The following MYH7B variants were observed in gnomAD, a reference collection of about 807,000 sequenced individuals.
MYH7B encodes myosin-7B.
A neutral mutation model predicts 234.5 loss-of-function variants in MYH7B; 205 were observed. That is an observed-to-expected ratio of 0.87 (90% CI 0.78 to 0.98). MYH7B has a LOEUF of 0.98. Ranked by LOEUF, MYH7B falls within the 50% of genes least tolerant of loss-of-function variation. MYH7B has a pLI of 0.00. For synonymous variants in MYH7B, 1,193 were observed against 1,105.0 expected, an observed-to-expected ratio of 1.08 and a Z score of -1.58; for missense variants, 2,652 against 2,633.4, an observed-to-expected ratio of 1.01 and a Z score of -0.15.
intron 5 of MYH7B, among the ~76,000 whole-genome samples, chr20:34,979,041 G>A (rs1425870701): frequency 1.3e-5 from 2 of 152,154 alleles, no homozygotes; most frequent in Admixed American, 6.5e-5. Flanking sequence ...TTGAGGGGCT[G>A]CTCTGTATGG....
At chr20:34,987,779 G>T in exon 18 of MYH7B, 3 of 1,614,198 alleles carry the variant, frequency 1.9e-6, no homozygotes, top group Non-Finnish European at 2.5e-6. Context: ...TGTTTGCTGT[G>T]GGGGCTCTGG....
chr20:34,960,882 C>A (rs1464441953), intron 2 of MYH7B, among the ~76,000 whole-genome samples: 1 of 152,232 alleles, frequency 6.6e-6, no homozygotes, highest in Non-Finnish European at 1.5e-5. Context: ...CCCCCACAGT[C>A]ATCCTGGGAG....
At chr20:34,998,541 A>C (rs1316401494) in exon 34 of MYH7B, 3 of 1,613,668 alleles carry the variant, frequency 1.9e-6, no homozygotes, top group Admixed American at 1.7e-5. Flanking sequence ...GAGGAGAAGG[A>C]GTGTCTGATC....
intron 1 of MYH7B, among the ~76,000 whole-genome samples, chr20:34,957,599 CCT>C (rs2081653847): frequency 6.6e-6 from 1 of 150,542 alleles, no homozygotes; most frequent in Non-Finnish European, 1.5e-5. Flanking sequence ...AAGCAATTCT[CCT>C]GCCTCAGCCT....
At chr20:35,001,798 T>G in intron 43 of MYH7B, 150 bp from the exon 44 acceptor site, 1 of 1,288,538 alleles carries the variant, frequency 7.8e-7, no homozygotes, top group Non-Finnish European at 1.1e-6. Context: ...AACTTCCTTA[T>G]TCCCGCTGTG....
intron 12 of MYH7B, 49 bp from the exon 13 acceptor site, chr20:34,985,017 G>C (rs1450232213): frequency 6.2e-7 from 1 of 1,611,058 alleles, no homozygotes; most frequent in South Asian, 1.1e-5. Flanking sequence ...CACAGGTGGG[G>C]ACAGTGCTGG....
intron 2 of MYH7B, 134 bp from the exon 3 acceptor site, chr20:34,975,266 G>A: frequency 2.2e-6 from 1 of 450,502 alleles, no homozygotes; most frequent in Non-Finnish European, 3.9e-6. Flanking sequence ...GTGCAATGGT[G>A]TGATCTCGGC....
chr20:34,978,085 T>A (rs2081885710), exon 5 of MYH7B: 1 of 1,613,864 alleles, frequency 6.2e-7, no homozygotes, highest in South Asian at 1.1e-5. Flanking sequence ...GTGCACACTA[T>A]CCCATGGGAC....
intron 9 of MYH7B, 172 bp downstream of exon 9, chr20:34,981,232 C>T (rs1488503539): frequency 1.3e-5 from 10 of 745,424 alleles, no homozygotes; most frequent in Middle Eastern, 2.4e-4. Flanking sequence ...TTTCCCTGCC[C>T]CCATTCTGAA....
chr20:34,997,329 G>T, exon 32 of MYH7B: 1 of 1,547,522 alleles, frequency 6.5e-7, no homozygotes, highest in South Asian at 1.2e-5. Flanking sequence ...GCGTGCAGAG[G>T]CGGCGCGGGA....
At chr20:34,989,577 A>G in intron 19 of MYH7B, among the ~76,000 whole-genome samples, 163 bp from the exon 20 acceptor site, 1 of 152,142 alleles carries the variant, frequency 6.6e-6, no homozygotes, top group Non-Finnish European at 1.5e-5. Context: ...CTGTTAGGAG[A>G]TGGGTTCTTG....
intron 2 of MYH7B, among the ~76,000 whole-genome samples, chr20:34,970,894 T>G (rs2081787265): frequency 1.3e-5 from 2 of 152,182 alleles, no homozygotes; most frequent in South Asian, 4.1e-4. Flanking sequence ...TCGACAATAC[T>G]CAGACTGGCT....
Position 34,986,859 on chromosome 20 carries a change from C to T in MYH7B, c.905-27C>T, listed in dbSNP as rs556906361. The T allele has an allele frequency of 4.6e-5, 73 of 1,584,540 alleles. 1 individual carries two copies. In the South Asian group the frequency reaches 7.1e-4, roughly 15 times the overall value. ...GAATAGCCGGTAAGCACTGCCTGAC[C>T]CTCCCTTCTCTGCCCTGTGTCCCCA... On this transcript the variant is annotated intron_variant, in intron 14 of 44. Coordinates refer to ENST00000262873, the Ensembl canonical transcript of MYH7B.
chr20:34,992,546 T>TC (rs1176847755), intron 24 of MYH7B, among the ~76,000 whole-genome samples: 1 of 145,236 alleles, frequency 6.9e-6, no homozygotes, highest in Non-Finnish European at 1.5e-5. Context: ...GCATTTAAAA[T>TC]CCCCCCAAGG....
intron 14 of MYH7B, 121 bp from the exon 15 acceptor site, chr20:34,986,765 C>T (rs1000318200): frequency 9.4e-6 from 7 of 747,858 alleles, no homozygotes; most frequent in African/African-American, 1.7e-5. Flanking sequence ...ATGAGGTCCT[C>T]TGGGAGGGCC....
chr20:34,957,899 T>A (rs1600399974), intron 1 of MYH7B, among the ~76,000 whole-genome samples, 199 bp from the exon 2 acceptor site: 1 of 152,178 alleles, frequency 6.6e-6, no homozygotes, highest in Admixed American at 6.5e-5. Context: ...GGCAGATAGG[T>A]GTCTGGTTAT....
chr20:34,995,040 C>T (rs1227811110), intron 27 of MYH7B, among the ~76,000 whole-genome samples: 4 of 152,212 alleles, frequency 2.6e-5, no homozygotes, highest in Admixed American at 1.3e-4. Flanking sequence ...CCCTGCCCCT[C>T]GGAAGGCCTC....
At chr20:34,980,822 A>G in intron 8 of MYH7B, 88 bp downstream of exon 8, 1 of 1,554,624 alleles carries the variant, frequency 6.4e-7, no homozygotes, top group Non-Finnish European at 8.8e-7. Context: ...CCCCACTGGC[A>G]CTGCCCCCCT....
exon 14 of MYH7B, chr20:34,986,101 T>C: frequency 6.3e-7 from 1 of 1,579,142 alleles, no homozygotes; most frequent in Non-Finnish European, 8.6e-7. Flanking sequence ...TCTCCCCAGA[T>C]CTCCTGGAGA....
Sources: allele counts gnomAD v4.1 joint callset (sites outside exome capture counted in the v4.1 genomes callset), GRCh38; gene constraint gnomAD v4.1.1; transcripts MANE v1.5; gene names NCBI Gene and HGNC (gene_info 2026-07-23, HGNC 2026-07-21).